The following ZFYVE9 variants were observed in gnomAD, a reference collection of about 807,000 sequenced individuals.
ZFYVE9 encodes zinc finger FYVE-type containing 9, also known as zinc finger FYVE domain-containing protein 9.
A neutral mutation model predicts 126.7 loss-of-function variants in ZFYVE9; 43 were observed. The observed-to-expected ratio is 0.34, with a 90% CI of 0.27 to 0.44. The LOEUF is 0.44. Ranked by LOEUF, ZFYVE9 falls within the 20% of genes least tolerant of loss-of-function variation. The probability of loss-of-function intolerance (pLI) is 1.00; values close to 1 mark genes in which losing one functional copy is unlikely to be tolerated. For missense variants in ZFYVE9, 1,476 were observed against 1,697.0 expected, an observed-to-expected ratio of 0.87 and a Z score of 2.29; for synonymous variants, 521 against 597.4, an observed-to-expected ratio of 0.87 and a Z score of 1.87.
chr1:52,217,327 A>T (rs1645081102), intron 2 of ZFYVE9, among the ~76,000 whole-genome samples: 1 of 152,184 alleles, frequency 6.6e-6, no homozygotes, highest in African/African-American at 2.4e-5. Flanking sequence ...AGAAATGGTT[A>T]GACTTAACAG....
chr1:52,331,451 A>T (rs1404446028), intron 13 of ZFYVE9, among the ~76,000 whole-genome samples: 10 of 116,520 alleles, frequency 8.6e-5, no homozygotes, highest in Non-Finnish European at 1.6e-4. Context: ...CCTGTCTCTT[A>T]AAAAAAAAAA....
chr1:52,323,921 T>C (rs1569757872), intron 13 of ZFYVE9, among the ~76,000 whole-genome samples: 1 of 143,666 alleles, frequency 7.0e-6, no homozygotes, highest in Non-Finnish European at 1.5e-5. Context: ...AAGCCAGGCG[T>C]GATGGCGCAT....
intron 1 of ZFYVE9, among the ~76,000 whole-genome samples, chr1:52,215,861 T>C (rs958418255): frequency 2.6e-5 from 4 of 152,176 alleles, no homozygotes; most frequent in Non-Finnish European, 4.4e-5. Context: ...TCTAAGCAGT[T>C]GGAGGAGGAC....
chr1:52,346,314 T>C lies in ZFYVE9; in HGVS notation c.*93T>C. On this transcript the variant is annotated 3_prime_UTR_variant, in exon 19 of 19. Coordinates refer to ENST00000287727, the MANE Select transcript of ZFYVE9 (RefSeq NM_004799.4). ...CTTTAAAACTGGAAGATTAAGCTTT[T>C]GTTAACACTATTAATGGGGTGGGGA... 7.5e-7 allele frequency: 1 copy of C among 1,328,422 alleles called. No homozygotes were observed. Among genetic ancestry groups the C allele is most frequent in the Non-Finnish European group, 1.0e-6 (1 of 989,962 alleles). 82.3% of individuals were successfully genotyped at this position (1,328,422 alleles called of 1,614,324 possible).
At chr1:52,151,725 C>G (rs941110873) in intron 1 of ZFYVE9, among the ~76,000 whole-genome samples, 2 of 152,008 alleles carry the variant, frequency 1.3e-5, no homozygotes, top group Admixed American at 6.6e-5. Context: ...CCATGTTGGT[C>G]AGGCTGGTCT....
intron 13 of ZFYVE9, among the ~76,000 whole-genome samples, chr1:52,329,627 C>T (rs1020293307): frequency 1.3e-5 from 2 of 152,108 alleles, no homozygotes; most frequent in African/African-American, 4.8e-5. Flanking sequence ...ACATATCGGC[C>T]GGGCGCGGTG....
chr1:52,254,981 A>G (rs1360207165), intron 4 of ZFYVE9, among the ~76,000 whole-genome samples: 1 of 151,908 alleles, frequency 6.6e-6, no homozygotes, highest in Non-Finnish European at 1.5e-5. Context: ...AGTCCCAGCT[A>G]CTTGGGAGGC....
chr1:52,327,879 AAGG>A, intron 13 of ZFYVE9, among the ~76,000 whole-genome samples: 1 of 151,866 alleles, frequency 6.6e-6, no homozygotes, highest in South Asian at 2.1e-4. Flanking sequence ...GATGCTGAGG[AAGG>A]AGAATCGCGT....
intron 15 of ZFYVE9, among the ~76,000 whole-genome samples, chr1:52,336,058 T>C (rs920357152): frequency 1.3e-5 from 2 of 151,696 alleles, no homozygotes; most frequent in Non-Finnish European, 2.9e-5. Context: ...CACTTGAACC[T>C]GGGAAGCAGA....
Position 52,237,851 on chromosome 1 carries a change from A to G in ZFYVE9, c.434A>G (p.Glu145Gly), listed in dbSNP as rs1373330155. The G allele has an allele frequency of 1.2e-6, 2 of 1,613,992 alleles. No homozygotes were observed. The change falls in exon 4 of 19, where the codon GAG (glutamate) becomes GGG (glycine). Residue 145 changes from glutamate (E) to glycine (G), a missense_variant. Around this residue, in one of 2 missense-constraint regions of ZFYVE9, gnomAD observed 807 missense variants for 794.6 expected, o/e 1.02. Transcript: ENST00000287727. ...GGAAACCTGGCTTGTCTGCCAGATG[A>G]GAAGAATGTTCTTGTTGTAGCCGTC... is the stretch of plus-strand genomic sequence containing the variant. ...KCGNLACLPDEKNVLVVAVMH... is the reference protein window; with the variant it reads ...KCGNLACLPDGKNVLVVAVMH...
At chr1:52,266,405 TAAAAAA>T (rs33996604) in intron 5 of ZFYVE9, among the ~76,000 whole-genome samples, 4 of 85,640 alleles carry the variant, frequency 4.7e-5, no homozygotes, top group East Asian at 5.3e-4. Flanking sequence ...TCTAATTCTT[TAAAAAA>T]AAAAAAAAAA....
chr1:52,165,974 GTTC>G (rs1179265202), intron 1 of ZFYVE9, among the ~76,000 whole-genome samples: 3 of 152,144 alleles, frequency 2.0e-5, no homozygotes, highest in Admixed American at 6.5e-5. Flanking sequence ...AATGCCCTCT[GTTC>G]TTTGAAGCAA....
At chr1:52,202,008 T>C (rs1363677478) in intron 1 of ZFYVE9, among the ~76,000 whole-genome samples, 1 of 152,042 alleles carries the variant, frequency 6.6e-6, no homozygotes, top group African/African-American at 2.4e-5. Flanking sequence ...GGTCTCGAAC[T>C]CCTGACCTTA....
intron 12 of ZFYVE9, among the ~76,000 whole-genome samples, chr1:52,296,381 A>G (rs1002868042): frequency 1.6e-4 from 25 of 151,898 alleles, no homozygotes; most frequent in African/African-American, 6.0e-4. Context: ...GTGTCTATAT[A>G]GGTTATTATC....
intron 7 of ZFYVE9, among the ~76,000 whole-genome samples, chr1:52,273,596 C>T (rs533574372): frequency 3.3e-5 from 5 of 151,914 alleles, no homozygotes; most frequent in South Asian, 2.1e-4. Context: ...TTTGGGAGGC[C>T]GAGGTTGGCG....
chr1:52,187,779 T>C (rs1345378175), intron 1 of ZFYVE9, among the ~76,000 whole-genome samples: 1 of 152,214 alleles, frequency 6.6e-6, no homozygotes, highest in Non-Finnish European at 1.5e-5. Context: ...TCAGAGTGGC[T>C]ATTGTTAAAA....
chr1:52,302,482 G>C (rs1569713605), intron 12 of ZFYVE9, among the ~76,000 whole-genome samples: 1 of 152,196 alleles, frequency 6.6e-6, no homozygotes, highest in East Asian at 1.9e-4. Context: ...TGGGCGCAGT[G>C]GCTCACACTT....
intron 1 of ZFYVE9, among the ~76,000 whole-genome samples, chr1:52,207,684 C>T (rs1644990834): frequency 1.3e-5 from 2 of 152,144 alleles, no homozygotes; most frequent in South Asian, 4.1e-4. Context: ...CTTTTTCGTT[C>T]CTAGTTTTCT....
chr1:52,281,626 A>G, intron 9 of ZFYVE9, 35 bp from the exon 10 acceptor site: 1 of 1,608,642 alleles, frequency 6.2e-7, no homozygotes, highest in Non-Finnish European at 8.5e-7. Context: ...ATTGATAGGA[A>G]TGTCTTTATT....
Sources: allele counts gnomAD v4.1 joint callset (sites outside exome capture counted in the v4.1 genomes callset), GRCh38; gene constraint gnomAD v4.1.1; regional missense constraint gnomAD v4.1.1; transcripts MANE v1.5; gene names NCBI Gene and HGNC (gene_info 2026-07-23, HGNC 2026-07-21).